Variants in MDGA2 observed in about 807,000 individuals in gnomAD.
MDGA2 encodes the protein MAM domain-containing glycosylphosphatidylinositol anchor protein 2.
In MDGA2, 40 loss-of-function variants were observed where a neutral mutation model predicts 117.8. That is an observed-to-expected ratio of 0.34 (90% CI 0.26 to 0.44). The LOEUF is 0.44. Among genes scored for constraint, MDGA2 ranks in the 20% least tolerant of loss-of-function variants. MDGA2 has a pLI of 1.00. For missense variants in MDGA2, 1,123 were observed against 1,250.6 expected (o/e 0.90, Z 1.54); for synonymous variants, 452 against 439.0 (o/e 1.03, Z -0.37).
intron 3 of MDGA2, among the ~76,000 whole-genome samples, chr14:47,169,388 T>C (rs1210219805): frequency 1.3e-5 from 2 of 151,802 alleles, no homozygotes; most frequent in Non-Finnish European, 2.9e-5. Context: ...CATATATATA[T>C]GTATATATAT....
chr14:47,473,691 T>C (rs1003729027), intron 1 of MDGA2, among the ~76,000 whole-genome samples: 3 of 151,850 alleles, frequency 2.0e-5, no homozygotes, highest in African/African-American at 7.3e-5. Flanking sequence ...AAGAATAAGA[T>C]TATCATATAA....
intron 1 of MDGA2, among the ~76,000 whole-genome samples, chr14:47,600,295 G>A (rs180855261): frequency 1.3e-5 from 2 of 151,844 alleles, no homozygotes; most frequent in Admixed American, 6.6e-5. Flanking sequence ...GGGATTGCAG[G>A]TGGTGGCGTC....
chr14:47,045,975 G>A (rs1195082166), intron 7 of MDGA2, among the ~76,000 whole-genome samples: 2 of 150,894 alleles, frequency 1.3e-5, no homozygotes, highest in South Asian at 2.1e-4. Flanking sequence ...AAAAAAAAAG[G>A]GGGAACATCA....
At chr14:47,134,071 G>A (rs977712699) in intron 4 of MDGA2, among the ~76,000 whole-genome samples, 2 of 151,818 alleles carry the variant, frequency 1.3e-5, no homozygotes, top group Non-Finnish European at 2.9e-5. Flanking sequence ...CATCACAATC[G>A]AGCTAATTAA....
chr14:46,907,243 G>T (rs1883534573), intron 10 of MDGA2, among the ~76,000 whole-genome samples: 1 of 152,126 alleles, frequency 6.6e-6, no homozygotes, highest in Non-Finnish European at 1.5e-5. Flanking sequence ...CTCCCAAAGT[G>T]CTGGGGTTAC....
intron 2 of MDGA2, among the ~76,000 whole-genome samples, chr14:47,298,418 C>T (rs1370403082): frequency 6.6e-6 from 1 of 152,130 alleles, no homozygotes; most frequent in Non-Finnish European, 1.5e-5. Context: ...CTTACTGCTA[C>T]AAGAATAGGC....
chr14:47,283,731 C>T (rs1163450917), intron 2 of MDGA2, among the ~76,000 whole-genome samples: 3 of 152,230 alleles, frequency 2.0e-5, no homozygotes, highest in Admixed American at 1.3e-4. Context: ...GATGATAATC[C>T]TGTAGTGCTA....
intron 1 of MDGA2, among the ~76,000 whole-genome samples, chr14:47,609,017 T>C (rs542845965): frequency 1.3e-5 from 2 of 152,152 alleles, no homozygotes; most frequent in South Asian, 4.2e-4. Flanking sequence ...GAAGAGCAGG[T>C]CCAGTGAGGG....
intron 1 of MDGA2, among the ~76,000 whole-genome samples, chr14:47,425,147 T>C (rs1892661534): frequency 6.6e-6 from 1 of 152,322 alleles, no homozygotes; most frequent in Admixed American, 6.5e-5. Flanking sequence ...GGTGTATTTC[T>C]GTAAATTTGT....
intron 3 of MDGA2, among the ~76,000 whole-genome samples, chr14:47,163,177 A>G (rs1883713663): frequency 6.6e-6 from 1 of 152,154 alleles, no homozygotes. Flanking sequence ...TGCTCCATGG[A>G]CCAGTGGTGA....
chr14:47,328,200 G>T (rs1398676724), intron 1 of MDGA2, among the ~76,000 whole-genome samples: 1 of 151,976 alleles, frequency 6.6e-6, no homozygotes, highest in African/African-American at 2.4e-5. Context: ...ACTCCATATC[G>T]GGCAGAGGGG....
At chr14:47,228,579 T>C (rs945146144) in intron 2 of MDGA2, among the ~76,000 whole-genome samples, 3 of 152,178 alleles carry the variant, frequency 2.0e-5, no homozygotes, top group Non-Finnish European at 2.9e-5. Context: ...TAGGCTAAGC[T>C]AAGCTACGAT....
chr14:46,901,723 T>C (rs1226146609), intron 10 of MDGA2, among the ~76,000 whole-genome samples: 1 of 152,224 alleles, frequency 6.6e-6, no homozygotes, highest in Non-Finnish European at 1.5e-5. Flanking sequence ...GAAAGCTTTG[T>C]TCAAACCTTT....
chr14:47,588,690 G>A (rs572661233), intron 1 of MDGA2, among the ~76,000 whole-genome samples: 25 of 151,768 alleles, frequency 1.6e-4, no homozygotes, highest in African/African-American at 5.3e-4. Flanking sequence ...CCTTTCACTC[G>A]CTTGATGTTG....
rs1420748457 is a variant in MDGA2 at position 47,635,164 on chromosome 14, G to A, written c.280+39353C>T. On this transcript the variant is annotated intron_variant, in intron 1 of 16. Coordinates refer to ENST00000399232, the MANE Select transcript of MDGA2 (RefSeq NM_001113498.3). Reference sequence around the variant, plus strand: ...CGTCACTCATTTTTAATCACAGCTAGTTTTTATATTAAAGTACTCTACAAA... The same window carrying A: ...CGTCACTCATTTTTAATCACAGCTAATTTTTATATTAAAGTACTCTACAAA... Among the ~76,000 whole-genome samples, 3 of 152,046 alleles carry A rather than the reference G, an allele frequency of 2.0e-5. No individual in the cohort carries two copies. In the East Asian group the frequency reaches 5.8e-4, roughly 29 times the overall value.
intron 2 of MDGA2, among the ~76,000 whole-genome samples, chr14:47,231,962 T>C (rs1886707257): frequency 6.6e-6 from 1 of 152,072 alleles, no homozygotes; most frequent in Admixed American, 6.6e-5. Context: ...AAATGGGTTA[T>C]GGGGGTAGAT....
chr14:47,404,649 C>T (rs1892224590), intron 1 of MDGA2, among the ~76,000 whole-genome samples: 1 of 152,010 alleles, frequency 6.6e-6, no homozygotes, highest in African/African-American at 2.4e-5. Flanking sequence ...TGTGCATCAC[C>T]ACATATTGCT....
intron 1 of MDGA2, among the ~76,000 whole-genome samples, chr14:47,594,545 T>C (rs1896500135): frequency 6.6e-6 from 1 of 152,226 alleles, no homozygotes; most frequent in Non-Finnish European, 1.5e-5. Flanking sequence ...GACTCTTTCA[T>C]TTTATGAAAT....
At chr14:47,382,192 C>A (rs568786311) in intron 1 of MDGA2, among the ~76,000 whole-genome samples, 161 of 152,232 alleles carry the variant, frequency 1.1e-3, no homozygotes, top group African/African-American at 3.6e-3. Context: ...ACACCTTATA[C>A]AAAAATTAAT....
Sources: gnomAD v4.1 joint callset for allele counts (sites outside exome capture counted in the v4.1 genomes callset) on GRCh38, gnomAD v4.1.1 for gene constraint, MANE v1.5 for transcripts, NCBI Gene and HGNC (gene_info 2026-07-23, HGNC 2026-07-21) for gene names.